Variants in MGAT5 observed in about 807,000 individuals in gnomAD.
MGAT5 encodes alpha-1,6-mannosylglycoprotein 6-beta-N-acetylglucosaminyltransferase A.
MGAT5 carries 30 observed loss-of-function variants against 94.3 expected under a neutral mutation model. That is an observed-to-expected ratio of 0.32 (90% CI 0.24 to 0.43). The LOEUF (loss-of-function observed/expected upper bound fraction) is 0.43. MGAT5 is among the 20% of genes least tolerant of loss of function. MGAT5 has a pLI of 1.00. For synonymous variants in MGAT5, 310 were observed against 322.9 expected (o/e 0.96, Z 0.43); for missense variants, 691 against 905.5 (o/e 0.76, Z 3.04).
At chr2:134,342,518 A>G (rs1688688721) in intron 7 of MGAT5, among the ~76,000 whole-genome samples, 1 of 152,136 alleles carries the variant, frequency 6.6e-6, no homozygotes. Flanking sequence ...TCGGGAGGCC[A>G]AGGTAGGTAG....
chr2:134,193,118 AT>A (rs1202177985), intron 1 of MGAT5, among the ~76,000 whole-genome samples: 75 of 139,438 alleles, frequency 5.4e-4, no homozygotes, highest in Admixed American at 4.1e-3. Flanking sequence ...TTTTATTTTT[AT>A]TTTTTATTTT....
chr2:134,252,178 A>G (rs1682647435), upstream of MGAT5, among the ~76,000 whole-genome samples: 1 of 152,150 alleles, frequency 6.6e-6, no homozygotes, highest in Admixed American at 6.5e-5. Context: ...AGGTGGTGGG[A>G]CTAGAGCTGG....
rs117452914 is a variant in MGAT5 at position 134,137,146 on chromosome 2, T to C, written c.-143+16855T>C. ...AATACACATTAACCCCCTGTTTTCC[T>C]CTTGGTATGCTTTAAGGTTATATCA... On this transcript the variant is annotated intron_variant, in intron 1 of 16. Coordinates refer to the MGAT5 transcript ENST00000409645. 2.0e-4 allele frequency among the ~76,000 whole-genome samples: 31 copies of C among 152,332 alleles called. 1 individual carries two copies. The East Asian group carries it at 5.4e-3, about 27-fold the overall frequency.
intron 12 of MGAT5, among the ~76,000 whole-genome samples, chr2:134,420,165 G>T (rs552508949): frequency 6.6e-6 from 1 of 152,256 alleles, no homozygotes; most frequent in East Asian, 1.9e-4. Flanking sequence ...CAGCTGTGGG[G>T]TCTTAGGGGA....
chr2:134,432,605 C>G (rs1338488173), intron 14 of MGAT5, among the ~76,000 whole-genome samples: 1 of 152,140 alleles, frequency 6.6e-6, no homozygotes, highest in Non-Finnish European at 1.5e-5. Flanking sequence ...TTTTGTTTAC[C>G]CAGCCTTTCC....
At chr2:134,163,603 A>G (rs977295400) in intron 1 of MGAT5, among the ~76,000 whole-genome samples, 2 of 152,246 alleles carry the variant, frequency 1.3e-5, no homozygotes, top group Non-Finnish European at 2.9e-5. Flanking sequence ...GGAGAGAGGT[A>G]CATTTGTCCA....
At chr2:134,309,627 A>G (rs1288031354) in intron 2 of MGAT5, among the ~76,000 whole-genome samples, 1 of 152,236 alleles carries the variant, frequency 6.6e-6, no homozygotes, top group South Asian at 2.1e-4. Flanking sequence ...TCTTCCTATC[A>G]TGTGTGTGCT....
chr2:134,243,492 A>G (rs1682075674), intron 1 of MGAT5, among the ~76,000 whole-genome samples: 1 of 152,230 alleles, frequency 6.6e-6, no homozygotes, highest in Non-Finnish European at 1.5e-5. Context: ...TTAAGGAACT[A>G]GTGAACTTAT....
At chr2:134,193,676 TG>T (rs1573836094) in intron 1 of MGAT5, among the ~76,000 whole-genome samples, 1 of 5,768 alleles carries the variant, frequency 1.7e-4, no homozygotes, top group East Asian at 5.9e-3. Context: ...CCCAAATCTT[TG>T]TGTGTGTGTG....
At chr2:134,356,255 G>C (rs781456171) in intron 9 of MGAT5, among the ~76,000 whole-genome samples, 1 of 152,060 alleles carries the variant, frequency 6.6e-6, no homozygotes, top group Non-Finnish European at 1.5e-5. Flanking sequence ...AAGAGCAGAT[G>C]GGGGATTCTG....
intron 11 of MGAT5, among the ~76,000 whole-genome samples, chr2:134,408,187 G>T (rs1683452408): frequency 6.6e-6 from 1 of 152,130 alleles, no homozygotes. Flanking sequence ...GGGGAGAGAG[G>T]CGTGGTCAGA....
chr2:134,214,945 A>C (rs918142189), intron 1 of MGAT5, among the ~76,000 whole-genome samples: 1 of 152,066 alleles, frequency 6.6e-6, no homozygotes, highest in Non-Finnish European at 1.5e-5. Flanking sequence ...AAGCCCCCTC[A>C]TGTCCTCTCT....
At chr2:134,422,395 G>T (rs922772496) in intron 12 of MGAT5, among the ~76,000 whole-genome samples, 1 of 151,914 alleles carries the variant, frequency 6.6e-6, no homozygotes, top group Non-Finnish European at 1.5e-5. Flanking sequence ...TAGCCTCCTG[G>T]GACTTTAAAA....
chr2:134,272,369 G>GT (rs10654780), intron 2 of MGAT5, among the ~76,000 whole-genome samples: 41,692 of 148,992 alleles, frequency 0.28, 5,976 homozygotes, highest in Middle Eastern at 0.4. Context: ...GTTGTGTTTT[G>GT]TTTTTTTTTT....
rs1450028791 is a variant in MGAT5 at position 134,449,582 on chromosome 2, A to G, written c.*735A>G. ...CAGAGAGCCCAGCCAGGGACGAAAA[A>G]GGAGATGAGGCCCCTTTCCTCCATG... On this transcript the variant is annotated 3_prime_UTR_variant, in exon 16 of 16. Transcript: ENST00000281923. The G allele has an allele frequency of 6.6e-6, 1 of 152,364 alleles. No homozygotes were observed. The highest frequency in any genetic ancestry group is 1.5e-5 in the Non-Finnish European group (1 of 68,188). The allele number at this position is 152,364 out of a possible 1,614,324, so 9.4% of individuals were successfully genotyped here.
chr2:134,356,773 C>T (rs898009418), intron 9 of MGAT5, among the ~76,000 whole-genome samples: 1 of 152,164 alleles, frequency 6.6e-6, no homozygotes, highest in African/African-American at 2.4e-5. Context: ...CACACTCCCC[C>T]TCAGGACCTT....
intron 1 of MGAT5, among the ~76,000 whole-genome samples, chr2:134,120,621 A>G (rs781281987): frequency 2.8e-4 from 42 of 151,778 alleles, no homozygotes; most frequent in South Asian, 1.2e-3. Context: ...GGACAGTCCA[A>G]AGGAAGCTCT....
chr2:134,445,131 T>C (rs914732281), intron 15 of MGAT5, among the ~76,000 whole-genome samples: 8 of 152,194 alleles, frequency 5.3e-5, no homozygotes, highest in African/African-American at 1.9e-4. Context: ...TTCTAAGCAG[T>C]ACAGTGTAGA....
At position 134,169,439 on chromosome 2, in the gene MGAT5, C is replaced by CAT. The variant is rs10689923; in HGVS notation, c.-143+49154_-143+49155dup. Among the ~76,000 whole-genome samples the CAT allele has an allele frequency of 5.0e-5, 7 of 139,368 alleles. No individual in the cohort carries two copies. In the East Asian group the frequency reaches 6.6e-4, roughly 13 times the overall value. 91.4% of individuals were successfully genotyped at this position (139,368 alleles called of 152,430 possible). ...ACACACACACACACACACACACACA[C>CAT]ATATATAAAAGATTGAATTGTACTT... On this transcript the variant is annotated intron_variant, in intron 1 of 16. Transcript: ENST00000409645.
Sources: allele counts gnomAD v4.1 joint callset (sites outside exome capture counted in the v4.1 genomes callset), GRCh38; gene constraint gnomAD v4.1.1; transcripts MANE v1.5; gene names NCBI Gene and HGNC (gene_info 2026-07-23, HGNC 2026-07-21).